The following USP16 variants were observed in gnomAD, a reference collection of about 807,000 sequenced individuals.
The protein encoded by USP16 is ubiquitin carboxyl-terminal hydrolase 16.
A neutral mutation model predicts 95.9 loss-of-function variants in USP16; 77 were observed. The observed-to-expected ratio is 0.80, with a 90% CI of 0.67 to 0.97. The LOEUF is 0.97. USP16 is among the 50% of genes least tolerant of loss of function. USP16 has a pLI of 0.00. For missense variants in USP16, 943 were observed against 959.9 expected (o/e 0.98, Z 0.23); for synonymous variants, 303 against 318.2 (o/e 0.95, Z 0.51).
At chr21:29,047,599 A>ATAG (rs1202672273) in intron 14 of USP16, among the ~76,000 whole-genome samples, 1 of 152,156 alleles carries the variant, frequency 6.6e-6, no homozygotes, top group Non-Finnish European at 1.5e-5. Context: ...ATCCTGACAC[A>ATAG]TAGTGGCTAT....
chr21:29,050,919 G>A (rs759509975), intron 16 of USP16, among the ~76,000 whole-genome samples: 2 of 152,166 alleles, frequency 1.3e-5, no homozygotes, highest in East Asian at 1.9e-4. Flanking sequence ...ATTTTAGGAC[G>A]GAAAGACTAG....
chr21:29,042,050 C>A lies in USP16; in HGVS notation c.1068C>A (p.Asp356Glu). 1 of 1,613,252 alleles carries A rather than the reference C, an allele frequency of 6.2e-7. No homozygotes were observed. Among genetic ancestry groups the A allele is most frequent in the Non-Finnish European group, 8.5e-7 (1 of 1,179,604 alleles). Residue 356 changes from aspartate to glutamate, a missense_variant, in exon 11 of 18, where the codon GAC becomes GAA. Coordinates refer to ENST00000399976, the MANE Select transcript of USP16 (RefSeq NM_006447.3). The part of the protein sequence containing the change: ...EKKKSMPSFV[D>E]RIFGGELTSM... ...AAAAATCAATGCCAAGTTTTGTTGA[C>A]CGCATCTTTGGTGGTGAACTAACTA...
intron 15 of USP16, 111 bp from the exon 16 acceptor site, chr21:29,049,981 G>T: frequency 3.2e-6 from 3 of 932,102 alleles, no homozygotes; most frequent in Non-Finnish European, 4.7e-6. Flanking sequence ...AAAGAAAATT[G>T]AACTAGGACT....
At chr21:29,031,529 C>T (rs560173027) in intron 3 of USP16, among the ~76,000 whole-genome samples, 1 of 152,152 alleles carries the variant, frequency 6.6e-6, no homozygotes, top group Non-Finnish European at 1.5e-5. Context: ...GCCTCCACCT[C>T]CCAGGTTCAA....
At chr21:29,029,852 T>C (rs914911924) in intron 2 of USP16, among the ~76,000 whole-genome samples, 8 of 152,312 alleles carry the variant, frequency 5.3e-5, no homozygotes, top group Admixed American at 5.2e-4. Flanking sequence ...AGATACTCAG[T>C]AGTTATGTGG....
intron 5 of USP16, among the ~76,000 whole-genome samples, chr21:29,036,973 A>G (rs985170310): frequency 2.6e-5 from 4 of 152,214 alleles, no homozygotes; most frequent in South Asian, 2.1e-4. Flanking sequence ...ACAAGGTAAG[A>G]TGTGTTCATT....
intron 16 of USP16, 177 bp from the exon 17 acceptor site, chr21:29,053,624 TA>T: frequency 1.8e-6 from 1 of 561,622 alleles, no homozygotes; most frequent in Non-Finnish European, 2.9e-6. Flanking sequence ...GAATTTATAA[TA>T]AAAACAGAAG....
chr21:29,036,507 T>C, intron 5 of USP16, 133 bp downstream of exon 5: 5 of 845,470 alleles, frequency 5.9e-6, no homozygotes, highest in East Asian at 2.7e-5. Context: ...ACTATGAAAC[T>C]ATTTTTGGTT....
Position 29,042,466 on chromosome 21 carries a change from G to T in USP16, c.1123-6G>T, listed in dbSNP as rs2085258858. The T allele has an allele frequency of 6.2e-7, 1 of 1,602,768 alleles. No individual in the cohort carries two copies. The highest frequency in any genetic ancestry group is 8.5e-7 in the Non-Finnish European group (1 of 1,175,832). ...ATTTTTACACTGTCTTTTCTGATTG[G>T]TTAAGGTCTCCTTGGTTCATGAATC... On this transcript the variant is annotated splice_region_variant and splice_polypyrimidine_tract_variant and intron_variant, in intron 11 of 17. Transcript: ENST00000399976.
At chr21:29,036,020 A>G (rs1233452664) in intron 4 of USP16, among the ~76,000 whole-genome samples, 2 of 152,248 alleles carry the variant, frequency 1.3e-5, no homozygotes, top group Admixed American at 1.3e-4. Context: ...CTTCAATGTT[A>G]TAACCAGTAA....
At position 29,053,882 on chromosome 21, in the gene USP16, T is replaced by C. The variant is rs1212479535; in HGVS notation, c.2274T>C (p.His758=). 1 of 1,614,242 alleles carries C rather than the reference T, an allele frequency of 6.2e-7. No individual in the cohort carries two copies. Among genetic ancestry groups the C allele is most frequent in the Non-Finnish European group, 8.5e-7 (1 of 1,180,042 alleles). The part of the protein sequence containing the change: ...VEHSGTMRSG[H]YTAYAKARTA... ...ACAGTGGTACTATGAGGTCGGGGCATTACACTGCCTATGCCAAGGCAAGAA... is the reference window on the plus strand; with the variant it reads ...ACAGTGGTACTATGAGGTCGGGGCACTACACTGCCTATGCCAAGGCAAGAA... Residue 758 remains histidine, a synonymous_variant, in exon 17 of 18, where the codon CAT becomes CAC. Coordinates refer to ENST00000399976, the MANE Select transcript of USP16 (RefSeq NM_006447.3).
At chr21:29,032,446 G>A (rs2085091565) in intron 3 of USP16, among the ~76,000 whole-genome samples, 1 of 151,970 alleles carries the variant, frequency 6.6e-6, no homozygotes, top group Non-Finnish European at 1.5e-5. Context: ...TGCCCAGGCT[G>A]GTCTTGAACT....
chr21:29,037,246 C>T (rs769188157), intron 5 of USP16, 30 bp from the exon 6 acceptor site: 1 of 1,398,112 alleles, frequency 7.2e-7, no homozygotes, highest in Non-Finnish European at 9.8e-7. Flanking sequence ...CTGTATTACA[C>T]ATTTTGCTAA....
chr21:29,031,292 C>T (rs190610213), intron 3 of USP16, among the ~76,000 whole-genome samples: 1 of 152,262 alleles, frequency 6.6e-6, no homozygotes, highest in East Asian at 1.9e-4. Context: ...AGTATCTACT[C>T]TACCAGCTCA....
At chr21:29,042,236 A>G (rs951655444) in intron 11 of USP16, 132 bp downstream of exon 11, 1 of 890,474 alleles carries the variant, frequency 1.1e-6, no homozygotes, top group Non-Finnish European at 1.7e-6. Flanking sequence ...TCAGATGTGC[A>G]TGGTTCTTTG....
At chr21:29,029,849 CAGT>C (rs1326013970) in intron 2 of USP16, among the ~76,000 whole-genome samples, 2 of 152,154 alleles carry the variant, frequency 1.3e-5, no homozygotes, top group African/African-American at 4.8e-5. Flanking sequence ...CATAGATACT[CAGT>C]AGTTATGTGG....
intron 3 of USP16, among the ~76,000 whole-genome samples, chr21:29,031,484 G>A (rs1343870199): frequency 6.6e-6 from 1 of 152,300 alleles, no homozygotes; most frequent in South Asian, 2.1e-4. Flanking sequence ...TGTCACCCAG[G>A]CTGGAGTGCA....
In USP16 at chr21:29,046,999, G is replaced by A. The variant is rs779518728; in HGVS notation, c.1689G>A (p.Thr563=). 20 of 1,613,944 alleles carry A rather than the reference G, an allele frequency of 1.2e-5. No individual in the cohort carries two copies. The highest frequency in any genetic ancestry group is 3.3e-5 in the Admixed American group (2 of 59,994). The change falls in exon 14 of 18, where the codon ACG becomes ACA. Residue 563 remains threonine, a synonymous_variant. Coordinates refer to ENST00000399976, the MANE Select transcript of USP16 (RefSeq NM_006447.3). Reference sequence around the variant, plus strand: ...GGAATTTAAATGGTGCCTACCTAACGGAAGGGAGCAATGGAGAAGTGGACA... The same window carrying A: ...GGAATTTAAATGGTGCCTACCTAACAGAAGGGAGCAATGGAGAAGTGGACA... ...PTRNLNGAYL[T]EGSNGEVDIS...
intron 1 of USP16, among the ~76,000 whole-genome samples, chr21:29,026,380 C>T (rs932981869): frequency 1.3e-5 from 2 of 150,266 alleles, no homozygotes; most frequent in African/African-American, 4.9e-5. Context: ...CACTTGAACC[C>T]GGGCGGCAGA....
Sources: gnomAD v4.1 joint callset for allele counts (sites outside exome capture counted in the v4.1 genomes callset) on GRCh38, gnomAD v4.1.1 for gene constraint, MANE v1.5 for transcripts, NCBI Gene and HGNC (gene_info 2026-07-23, HGNC 2026-07-21) for gene names.